Variants in HOMER1 observed in about 807,000 individuals in gnomAD.
HOMER1 encodes the protein homer scaffold protein 1, also known as homer protein homolog 1.
Under a neutral mutation model 48.9 loss-of-function variants are expected in HOMER1, and 3 were observed. That is an observed-to-expected ratio of 0.06 (90% CI 0.03 to 0.16). The LOEUF is 0.16. Among genes scored for constraint, HOMER1 ranks in the 10% least tolerant of loss-of-function variants. HOMER1 has a pLI of 1.00. For synonymous variants in HOMER1, 134 were observed against 146.4 expected, an observed-to-expected ratio of 0.92 and a Z score of 0.61; for missense variants, 247 against 411.4, an observed-to-expected ratio of 0.60 and a Z score of 3.46.
intron 8 of HOMER1, among the ~76,000 whole-genome samples, chr5:79,379,873 T>C (rs1398117617): frequency 6.6e-6 from 1 of 152,116 alleles, no homozygotes; most frequent in Non-Finnish European, 1.5e-5. Flanking sequence ...TGTTCAGCCC[T>C]GATAAAGCAC....
intron 8 of HOMER1, among the ~76,000 whole-genome samples, chr5:79,382,076 C>T (rs1278805416): frequency 6.6e-6 from 1 of 151,958 alleles, no homozygotes; most frequent in Non-Finnish European, 1.5e-5. Context: ...AATTTCAGAA[C>T]TCAAAGACAA....
chr5:79,384,564 A>G (rs531942114), intron 8 of HOMER1, among the ~76,000 whole-genome samples: 1 of 152,332 alleles, frequency 6.6e-6, no homozygotes, highest in African/African-American at 2.4e-5. Flanking sequence ...AAATTCTACA[A>G]AACAATAAAT....
At chr5:79,419,315 G>A (rs1325414463) in intron 5 of HOMER1, among the ~76,000 whole-genome samples, 1 of 152,170 alleles carries the variant, frequency 6.6e-6, no homozygotes, top group African/African-American at 2.4e-5. Context: ...TTCTATGGAT[G>A]AATGCAGATT....
At chr5:79,402,137 T>C in intron 5 of HOMER1, 82 bp from the exon 6 acceptor site, 6 of 1,118,846 alleles carry the variant, frequency 5.4e-6, no homozygotes, top group South Asian at 3.0e-5. Context: ...AGTTCTATTG[T>C]AGGGTTTATA....
chr5:79,509,307 T>C (rs1056393556), intron 1 of HOMER1, among the ~76,000 whole-genome samples: 12 of 152,236 alleles, frequency 7.9e-5, no homozygotes, highest in Non-Finnish European at 2.9e-5. Flanking sequence ...TAAGTAGCTC[T>C]TAATAAGGGA....
intron 1 of HOMER1, among the ~76,000 whole-genome samples, chr5:79,464,801 G>C (rs903015146): frequency 6.6e-6 from 1 of 152,076 alleles, no homozygotes. Flanking sequence ...TAAGCTGATT[G>C]CTTATACATA....
intron 3 of HOMER1, among the ~76,000 whole-genome samples, chr5:79,449,481 G>A (rs1021387066): frequency 6.6e-6 from 1 of 152,094 alleles, no homozygotes; most frequent in Non-Finnish European, 1.5e-5. Flanking sequence ...GTTTGTTGTT[G>A]TTGTTTTTTG....
At chr5:79,507,072 G>T (rs1463017843) in intron 1 of HOMER1, among the ~76,000 whole-genome samples, 1 of 151,562 alleles carries the variant, frequency 6.6e-6, no homozygotes, top group East Asian at 1.9e-4. Flanking sequence ...AATTAGCCAG[G>T]TGTGGTGGCG....
chr5:79,448,432 A>T (rs747706697), intron 3 of HOMER1, among the ~76,000 whole-genome samples: 1 of 152,166 alleles, frequency 6.6e-6, no homozygotes, highest in Non-Finnish European at 1.5e-5. Context: ...TCAGCAAAAT[A>T]AAAAAGTGAC....
chr5:79,484,045 CAAAAAA>C (rs34704866), intron 1 of HOMER1, among the ~76,000 whole-genome samples: 1 of 72,264 alleles, frequency 1.4e-5, no homozygotes, highest in Non-Finnish European at 3.0e-5. Context: ...GACTCCATCT[CAAAAAA>C]AAAAAAAAAA....
rs193278223 is a variant in HOMER1 at position 79,502,127 on chromosome 5, C to A, written c.5+10643G>T. Among the ~76,000 whole-genome samples the A allele has an allele frequency of 2.4e-3, 354 of 147,520 alleles. 1 individual carries two copies. The highest frequency in any genetic ancestry group is 4.6e-3 in the Non-Finnish European group (309 of 67,554). ...CTCCACCTCCTGGGTTCAAGCAATT[C>A]TCCTGCCTCAGCCTCCCAAGTAGCT... On this transcript the variant is annotated intron_variant, in intron 1 of 8. Transcript: ENST00000334082.
chr5:79,479,130 G>A (rs564571691), intron 1 of HOMER1, among the ~76,000 whole-genome samples: 5 of 152,232 alleles, frequency 3.3e-5, no homozygotes, highest in East Asian at 3.9e-4. Context: ...GAGTAAAACC[G>A]TAAACAGAAG....
chr5:79,498,441 A>G (rs1347423576), intron 1 of HOMER1, among the ~76,000 whole-genome samples: 1 of 152,206 alleles, frequency 6.6e-6, no homozygotes, highest in Non-Finnish European at 1.5e-5. Flanking sequence ...TATCTGACCT[A>G]CATTAGAGTA....
Position 79,467,012 on chromosome 5 carries a change from G to A in HOMER1, c.6-9994C>T, listed in dbSNP as rs180829876. On this transcript the variant is annotated intron_variant, in intron 1 of 8. Coordinates refer to ENST00000334082, the MANE Select transcript of HOMER1 (RefSeq NM_004272.5). The stretch of plus-strand genomic sequence containing the variant: ...TCACCATGTTGGCCAGGATGGTCTC[G>A]ATCTCTTGATCTTGTGATCTGCCTG... Among the ~76,000 whole-genome samples the A allele has an allele frequency of 9.5e-4, 145 of 152,134 alleles. 1 individual carries two copies. Among genetic ancestry groups the A allele is most frequent in the African/African-American group, 3.0e-3 (123 of 41,522 alleles).
chr5:79,453,753 T>C (rs1751090810), intron 2 of HOMER1, among the ~76,000 whole-genome samples: 1 of 152,160 alleles, frequency 6.6e-6, no homozygotes, highest in Admixed American at 6.5e-5. Context: ...AAACTTCATA[T>C]GCACAGTAGA....
intron 1 of HOMER1, among the ~76,000 whole-genome samples, chr5:79,472,486 A>G (rs546614591): frequency 7.2e-4 from 110 of 152,290 alleles, no homozygotes; most frequent in Non-Finnish European, 1.4e-3. Context: ...AAAATACTAC[A>G]GAGCCCTAGG....
chr5:79,387,065 T>TCTCTCTCTCTC (rs1749132879), intron 8 of HOMER1, among the ~76,000 whole-genome samples: 1 of 109,136 alleles, frequency 9.2e-6, no homozygotes, highest in East Asian at 3.6e-4. Flanking sequence ...CCTCTTTCCT[T>TCTCTCTCTCTC]TCTTTCTCTA....
chr5:79,423,291 A>G (rs1166185806), intron 5 of HOMER1, among the ~76,000 whole-genome samples: 2 of 152,198 alleles, frequency 1.3e-5, no homozygotes, highest in Non-Finnish European at 2.9e-5. Context: ...CCCCAAGTAT[A>G]GAAGATTTAA....
chr5:79,425,812 C>G (rs537157486), intron 5 of HOMER1, among the ~76,000 whole-genome samples: 2 of 151,948 alleles, frequency 1.3e-5, no homozygotes, highest in Admixed American at 6.5e-5. Flanking sequence ...GCCAAAGAGA[C>G]CTTAGGTGGT....
Sources: gnomAD v4.1 joint callset for allele counts (sites outside exome capture counted in the v4.1 genomes callset) on GRCh38, gnomAD v4.1.1 for gene constraint, MANE v1.5 for transcripts, NCBI Gene and HGNC (gene_info 2026-07-23, HGNC 2026-07-21) for gene names.